Variants in SORCS3 observed in about 807,000 individuals in gnomAD.
SORCS3 encodes the protein sortilin related VPS10 domain containing receptor 3, also known as VPS10 domain-containing receptor SorCS3.
A neutral mutation model predicts 146.3 loss-of-function variants in SORCS3; 57 were observed. The observed-to-expected ratio is 0.39, with a 90% confidence interval of 0.31 to 0.49. The LOEUF (loss-of-function observed/expected upper bound fraction) is 0.49. Among genes scored for constraint, SORCS3 ranks in the 20% least tolerant of loss-of-function variants. The pLI is 0.92. For missense variants in SORCS3, 1,341 were observed against 1,575.5 expected, an observed-to-expected ratio of 0.85 and a Z score of 2.52; for synonymous variants, 653 against 618.5, an observed-to-expected ratio of 1.06 and a Z score of -0.83.
intron 1 of SORCS3, 147 bp downstream of exon 1, chr10:104,642,101 C>G: frequency 1.1e-6 from 1 of 939,768 alleles, no homozygotes; most frequent in Non-Finnish European, 1.5e-6. Flanking sequence ...GTCCGATTCC[C>G]CCCACGCCCC....
intron 3 of SORCS3, among the ~76,000 whole-genome samples, chr10:104,951,671 A>T (rs1038657805): frequency 2.0e-5 from 3 of 152,142 alleles, no homozygotes; most frequent in Non-Finnish European, 4.4e-5. Flanking sequence ...GGATTACATA[A>T]CAGTCTGTAT....
At chr10:104,909,347 A>G (rs145723246) in intron 2 of SORCS3, among the ~76,000 whole-genome samples, 1 of 152,272 alleles carries the variant, frequency 6.6e-6, no homozygotes, top group East Asian at 1.9e-4. Flanking sequence ...TGGTTGATAA[A>G]TATATGCAAA....
chr10:105,247,240 T>C lies in SORCS3; in HGVS notation c.3014T>C (p.Leu1005Ser). The change falls in exon 22 of 27, where the codon TTA becomes TCA. Residue 1005 changes from leucine to serine, a missense_variant. Transcript: ENST00000369701. ...AVHEYFQSQL[L>S]SFSPNLDYHN... ...GCAGAATATTTCCAGTCCCAGCTTT[T>C]ATCATTCTCTCCTAATCTGGATTAC... 1 of 1,605,630 alleles carries C rather than the reference T, an allele frequency of 6.2e-7. No individual in the cohort carries two copies. The highest frequency in any genetic ancestry group is 8.5e-7 in the Non-Finnish European group (1 of 1,173,600).
At position 105,200,124 on chromosome 10, in the gene SORCS3, C is replaced by T. The variant is rs776687979; in HGVS notation, c.2127+8C>T. The T allele has an allele frequency of 1.9e-6, 3 of 1,604,036 alleles. No individual in the cohort carries two copies. The highest frequency in any genetic ancestry group is 2.2e-5 in the South Asian group (2 of 90,796). On this transcript the variant is annotated splice_region_variant and intron_variant, in intron 15 of 26. Coordinates refer to ENST00000369701, the MANE Select transcript of SORCS3 (RefSeq NM_014978.3). ...TGGCACCTGCTCAATCAGGTACACA[C>T]CCCAGGGAGTTGGAGTGCTGGCTTT...
chr10:104,918,339 T>G (rs2019053926), intron 3 of SORCS3, among the ~76,000 whole-genome samples: 1 of 152,158 alleles, frequency 6.6e-6, no homozygotes, highest in African/African-American at 2.4e-5. Context: ...CATAGCCAGA[T>G]AGAAAAAGGA....
chr10:104,735,456 G>GTTTTGTTTTTTTTTT (rs2016757495), intron 1 of SORCS3, among the ~76,000 whole-genome samples: 2 of 34,994 alleles, frequency 5.7e-5, no homozygotes, highest in Non-Finnish European at 9.7e-5. Flanking sequence ...CTCACCGTCT[G>GTTTTGTTTTTTTTTT]TTTTTTTTTT....
At chr10:104,971,082 T>C (rs1589572209) in intron 3 of SORCS3, among the ~76,000 whole-genome samples, 1 of 152,234 alleles carries the variant, frequency 6.6e-6, no homozygotes, top group East Asian at 1.9e-4. Flanking sequence ...GTTGTGCTTC[T>C]GACGAAGCCA....
At chr10:104,686,764 TAGTTGGTGG>T (rs2133270201) in intron 1 of SORCS3, among the ~76,000 whole-genome samples, 1 of 152,190 alleles carries the variant, frequency 6.6e-6, no homozygotes, top group East Asian at 1.9e-4. Context: ...GAGCCCTGTG[TAGTTGGTGG>T]TCCCTCTTAG....
At chr10:104,695,320 G>T (rs924841673) in intron 1 of SORCS3, among the ~76,000 whole-genome samples, 2 of 151,854 alleles carry the variant, frequency 1.3e-5, no homozygotes, top group African/African-American at 4.8e-5. Flanking sequence ...CCCTAAGGAT[G>T]TATTGGTGGT....
chr10:105,250,533 C>G (rs1292560459), intron 22 of SORCS3, among the ~76,000 whole-genome samples: 1 of 152,050 alleles, frequency 6.6e-6, no homozygotes, highest in Non-Finnish European at 1.5e-5. Flanking sequence ...TCTGTAAGGG[C>G]CTTGGTGGAC....
At position 105,076,617 on chromosome 10, in the gene SORCS3, C is replaced by T. The variant is rs546647418; in HGVS notation, c.1029-13158C>T. On this transcript the variant is annotated intron_variant, in intron 5 of 26. Coordinates refer to ENST00000369701, the MANE Select transcript of SORCS3 (RefSeq NM_014978.3). ...AGGGCCAACTGGTGGGCCAGCAGGA[C>T]GATTTGTGCCTCATGTAGATGTTCC... Among the ~76,000 whole-genome samples, 130 of 152,244 alleles carry T rather than the reference C, an allele frequency of 8.5e-4. 1 individual carries two copies. The highest frequency in any genetic ancestry group is 2.8e-3 in the African/African-American group (115 of 41,562).
At chr10:105,212,478 T>G (rs2056639657) in intron 17 of SORCS3, among the ~76,000 whole-genome samples, 1 of 152,218 alleles carries the variant, frequency 6.6e-6, no homozygotes, top group African/African-American at 2.4e-5. Flanking sequence ...CTAAGCTGAA[T>G]GTGATTGCAG....
chr10:104,726,770 T>C (rs1319113118), intron 1 of SORCS3, among the ~76,000 whole-genome samples: 1 of 152,136 alleles, frequency 6.6e-6, no homozygotes, highest in Non-Finnish European at 1.5e-5. Flanking sequence ...CTATTCCCAC[T>C]GAATGAGCCT....
chr10:104,660,264 G>T (rs2015683631), intron 1 of SORCS3, among the ~76,000 whole-genome samples: 1 of 149,890 alleles, frequency 6.7e-6, no homozygotes, highest in Admixed American at 6.7e-5. Flanking sequence ...CTGAAAAGTG[G>T]GTTTCAGTTT....
chr10:105,123,102 A>T (rs1432055029), intron 7 of SORCS3, among the ~76,000 whole-genome samples: 1 of 152,258 alleles, frequency 6.6e-6, no homozygotes, highest in Admixed American at 6.5e-5. Context: ...TGTTGAAGAC[A>T]TTCCAATATA....
chr10:104,928,591 G>C (rs1164809444), intron 3 of SORCS3, among the ~76,000 whole-genome samples: 2 of 151,854 alleles, frequency 1.3e-5, no homozygotes, highest in African/African-American at 4.8e-5. Flanking sequence ...CTCGCCCCCA[G>C]TTCGTGCCCC....
chr10:105,038,253 G>T (rs1173135397), intron 4 of SORCS3, among the ~76,000 whole-genome samples: 1 of 152,186 alleles, frequency 6.6e-6, no homozygotes, highest in African/African-American at 2.4e-5. Context: ...AGTTTTTAAA[G>T]ATGTTTATTG....
At chr10:105,205,574 A>G (rs906566701) in intron 16 of SORCS3, among the ~76,000 whole-genome samples, 8 of 152,270 alleles carry the variant, frequency 5.3e-5, no homozygotes, top group African/African-American at 1.9e-4. Context: ...AAGGTGCAAG[A>G]GGGGGCTCCT....
intron 21 of SORCS3, among the ~76,000 whole-genome samples, chr10:105,246,057 G>A (rs1367803962): frequency 6.6e-6 from 1 of 152,176 alleles, no homozygotes. Context: ...TCATTGCTCA[G>A]TTAATGAGAT....
Sources: gnomAD v4.1 joint callset for allele counts (sites outside exome capture counted in the v4.1 genomes callset) on GRCh38, gnomAD v4.1.1 for gene constraint, MANE v1.5 for transcripts, NCBI Gene and HGNC (gene_info 2026-07-23, HGNC 2026-07-21) for gene names.